The following ADAMTSL1 variants were observed in gnomAD, a reference collection of about 807,000 sequenced individuals.
ADAMTSL1 encodes ADAMTS like 1.
ADAMTSL1 carries 126 observed loss-of-function variants against 201.8 expected under a neutral mutation model. That is an observed-to-expected ratio of 0.62 (90% CI 0.54 to 0.72). The LOEUF is 0.72. ADAMTSL1 is among the 30% of genes least tolerant of loss of function. The pLI is 0.00. For synonymous variants in ADAMTSL1, 1,121 were observed against 903.4 expected, an observed-to-expected ratio of 1.24 and a Z score of -4.32; for missense variants, 2,679 against 2,277.8, an observed-to-expected ratio of 1.18 and a Z score of -3.59.
chr9:18,186,041 A>T (rs1774952534), intron 2 of ADAMTSL1, among the ~76,000 whole-genome samples: 1 of 152,196 alleles, frequency 6.6e-6, no homozygotes, highest in African/African-American at 2.4e-5. Context: ...ATAGAATAGT[A>T]AGTAAATATT....
At chr9:18,543,877 AT>A (rs958291036) in intron 3 of ADAMTSL1, among the ~76,000 whole-genome samples, 1 of 151,996 alleles carries the variant, frequency 6.6e-6, no homozygotes, top group Non-Finnish European at 1.5e-5. Context: ...TGTGGCACAC[AT>A]TTCTTTTTTA....
chr9:18,295,684 A>T (rs1210627849), intron 2 of ADAMTSL1, among the ~76,000 whole-genome samples: 2 of 152,096 alleles, frequency 1.3e-5, no homozygotes, highest in Admixed American at 6.5e-5. Flanking sequence ...CCCTTGGAAA[A>T]TTTCTTGAAT....
In ADAMTSL1 at chr9:18,551,795, A is replaced by G. The variant is rs1364503686; in HGVS notation, c.237+18503A>G. Among the ~76,000 whole-genome samples, 7 of 151,782 alleles carry G rather than the reference A, an allele frequency of 4.6e-5. 1 individual carries two copies. Among genetic ancestry groups the G allele is most frequent in the Admixed American group, 4.6e-4 (7 of 15,200 alleles). ...TCACATAATAATACTATAAGCATTT[A>G]CTTTTGTTGTTATTTCTCTTTCTTC... is the stretch of plus-strand genomic sequence containing the variant. On this transcript the variant is annotated intron_variant, in intron 3 of 28. Coordinates refer to ENST00000380548, the MANE Select transcript of ADAMTSL1 (RefSeq NM_001040272.6).
chr9:18,658,122 C>A (rs1353195618), intron 8 of ADAMTSL1, among the ~76,000 whole-genome samples: 5 of 152,106 alleles, frequency 3.3e-5, no homozygotes, highest in Non-Finnish European at 5.9e-5. Context: ...CTGCAGGCGC[C>A]CGCCACCACG....
intron 2 of ADAMTSL1, among the ~76,000 whole-genome samples, chr9:18,290,493 A>G (rs2132675838): frequency 6.6e-6 from 1 of 152,264 alleles, no homozygotes; most frequent in East Asian, 1.9e-4. Context: ...CCACAAAGCT[A>G]ATAGCCATGG....
chr9:18,563,741 G>A (rs1320706445), intron 3 of ADAMTSL1, among the ~76,000 whole-genome samples: 3 of 152,208 alleles, frequency 2.0e-5, no homozygotes, highest in Admixed American at 2.0e-4. Flanking sequence ...AGGCAGTCTG[G>A]CTACAGCAGC....
intron 1 of ADAMTSL1, among the ~76,000 whole-genome samples, chr9:18,007,890 A>T (rs1355297165): frequency 5.3e-5 from 8 of 151,998 alleles, no homozygotes; most frequent in Non-Finnish European, 1.2e-4. Context: ...AAGGAAAATT[A>T]TGAAGTATTT....
intron 2 of ADAMTSL1, among the ~76,000 whole-genome samples, chr9:18,260,261 A>C (rs979046802): frequency 3.9e-4 from 59 of 152,348 alleles, no homozygotes; most frequent in East Asian, 3.9e-4. Context: ...TTACTTTCAC[A>C]CAGCTCAGAG....
At chr9:18,114,090 C>A (rs1825146677) in intron 1 of ADAMTSL1, among the ~76,000 whole-genome samples, 1 of 152,080 alleles carries the variant, frequency 6.6e-6, no homozygotes, top group African/African-American at 2.4e-5. Flanking sequence ...AGGGTAGAAT[C>A]TTAGAGGTCA....
chr9:18,852,681 G>T (rs1041640921), intron 23 of ADAMTSL1, among the ~76,000 whole-genome samples: 2 of 152,160 alleles, frequency 1.3e-5, no homozygotes, highest in African/African-American at 4.8e-5. Context: ...CAAAACTAAT[G>T]AAAAGAGAAT....
At chr9:18,600,839 G>A (rs766350472) in intron 4 of ADAMTSL1, among the ~76,000 whole-genome samples, 2 of 152,098 alleles carry the variant, frequency 1.3e-5, no homozygotes, top group Admixed American at 6.5e-5. Context: ...TGTACCTATG[G>A]TTGTTTCAAA....
At chr9:18,212,979 G>T (rs1181284354) in intron 2 of ADAMTSL1, among the ~76,000 whole-genome samples, 2 of 152,164 alleles carry the variant, frequency 1.3e-5, no homozygotes. Context: ...CTAGCATTTT[G>T]AGATGTGATT....
intron 2 of ADAMTSL1, among the ~76,000 whole-genome samples, chr9:18,530,488 A>C (rs942858483): frequency 2.6e-5 from 4 of 152,112 alleles, no homozygotes; most frequent in African/African-American, 9.7e-5. Context: ...ACAAAGTTCA[A>C]AATTAGTAGG....
intron 2 of ADAMTSL1, among the ~76,000 whole-genome samples, chr9:18,331,344 A>G (rs1449478283): frequency 2.6e-5 from 4 of 152,202 alleles, no homozygotes; most frequent in Non-Finnish European, 5.9e-5. Flanking sequence ...CTGTATTTTA[A>G]AATAATAGCT....
chr9:18,103,527 A>T (rs16936319), intron 1 of ADAMTSL1, among the ~76,000 whole-genome samples: 6 of 152,310 alleles, frequency 3.9e-5, no homozygotes, highest in Admixed American at 1.3e-4. Flanking sequence ...AAAAATAGAT[A>T]CAAAACCATC....
chr9:18,340,950 A>T (rs1487031457), intron 2 of ADAMTSL1, among the ~76,000 whole-genome samples: 1 of 151,938 alleles, frequency 6.6e-6, no homozygotes, highest in African/African-American at 2.4e-5. Context: ...TTTTTTCTTC[A>T]TCCCCACTGT....
In ADAMTSL1 at chr9:18,805,065, T is replaced by C. The variant is rs77523109; in HGVS notation, c.3805+9541T>C. On this transcript the variant is annotated intron_variant, in intron 20 of 28. Coordinates refer to ENST00000380548, the MANE Select transcript of ADAMTSL1 (RefSeq NM_001040272.6). ...GTGTTTTAAACTGATATTTGGATCT[T>C]CCATGGATATCACAACTGTTTTCTT... 9.3e-3 allele frequency among the ~76,000 whole-genome samples: 1,418 copies of C among 152,358 alleles called. 23 individuals are homozygous for C. Among genetic ancestry groups the C allele is most frequent in the African/African-American group, 0.032 (1,324 of 41,580 alleles).
intron 2 of ADAMTSL1, among the ~76,000 whole-genome samples, chr9:18,345,290 A>G (rs2132989190): frequency 6.6e-6 from 1 of 152,332 alleles, no homozygotes; most frequent in African/African-American, 2.4e-5. Context: ...ACAGTATTTG[A>G]GGCTGAAGCA....
At chr9:18,612,593 G>A (rs929070482) in intron 4 of ADAMTSL1, among the ~76,000 whole-genome samples, 1 of 152,070 alleles carries the variant, frequency 6.6e-6, no homozygotes, top group African/African-American at 2.4e-5. Flanking sequence ...ACAACTGTCT[G>A]GTCTTTGACA....
Sources: gnomAD v4.1 joint callset for allele counts (sites outside exome capture counted in the v4.1 genomes callset) on GRCh38, gnomAD v4.1.1 for gene constraint, MANE v1.5 for transcripts, NCBI Gene and HGNC (gene_info 2026-07-23, HGNC 2026-07-21) for gene names.